Variants in SAC3D1 observed in about 807,000 individuals in gnomAD.
SAC3D1 encodes SAC3 domain-containing protein 1.
Under a neutral mutation model 12.7 loss-of-function variants are expected in SAC3D1, and 10 were observed. The ratio of observed to expected loss-of-function variants is 0.79; its 90% CI spans 0.49 to 1.34. The LOEUF (loss-of-function observed/expected upper bound fraction) is 1.34. SAC3D1 is among the 40% of genes most tolerant of loss of function. The probability of loss-of-function intolerance (pLI) is 0.00; values close to 1 mark genes in which losing one functional copy is unlikely to be tolerated. For missense variants in SAC3D1, 482 were observed against 531.1 expected (o/e 0.91, Z 0.91); for synonymous variants, 241 against 250.8 (o/e 0.96, Z 0.37).
chr11:65,041,102 A>G (rs1025916019), upstream of SAC3D1: 16 of 625,710 alleles, frequency 2.6e-5, 1 homozygote, highest in Non-Finnish European at 3.8e-5. Flanking sequence ...ACTCGACTGG[A>G]CTGGGTGAGA....
rs58109119 is a variant in SAC3D1, at chr11:65,043,615, CAAAAAAAAAAA to C, written c.575-592_575-582del. ...CCTGGGTGACAAAGCAAGTCTGTCT[CAAAAAAAAAAA>C]AAAAAAAAAAAAAAAAAGGCCCTGC... On this transcript the variant is annotated intron_variant, in intron 1 of 1. Coordinates refer to ENST00000652489, the MANE Select transcript of SAC3D1 (RefSeq NM_013299.4). Among the ~76,000 whole-genome samples the C allele has an allele frequency of 1.6e-4, 9 of 56,200 alleles. 1 individual carries two copies. Among genetic ancestry groups the C allele is most frequent in the Non-Finnish European group, 2.8e-4 (9 of 31,720 alleles). The allele number at this position is 56,200 out of a possible 152,430, so 36.9% of individuals were successfully genotyped here. A position where few individuals can be genotyped will look rare whatever the true frequency, so the allele number is the denominator to read the frequency against.
At chr11:65,043,111 C>G (rs1438953473) in intron 1 of SAC3D1, 1 of 444,356 alleles carries the variant, frequency 2.3e-6, no homozygotes, top group Non-Finnish European at 4.5e-6. Context: ...GTGTGGCCAT[C>G]ATGCCCAGTG....
In SAC3D1 at chr11:65,041,792, G is replaced by C. The variant is rs1380821324; in HGVS notation, c.500G>C (p.Arg167Pro). 6.9e-7 allele frequency: 1 copy of C among 1,452,196 alleles called. No individual in the cohort carries two copies. Among genetic ancestry groups the C allele is most frequent in the Admixed American group, 2.6e-5 (1 of 38,262 alleles). The allele number at this position is 1,452,196 out of a possible 1,614,324, so 90.0% of individuals were successfully genotyped here. ...CAGGAGGGCTTCGGCTCGCTGCGGC[G>C]CTGCTACGCGCGGGGCGCCGGGCCG... is the stretch of plus-strand genomic sequence containing the variant. Reference protein sequence around the residue: ...QVQEGFGSLRRCYARGAGPHP... With the variant: ...QVQEGFGSLRPCYARGAGPHP... Residue 167 changes from arginine (R) to proline (P), a missense_variant, in exon 1 of 2, where the codon CGC becomes CCC. By Grantham distance (103) the Arg-to-Pro change is moderately radical. Around this residue, in one of 3 missense-constraint regions of SAC3D1, gnomAD observed 60 missense variants for 106.9 expected, o/e 0.56. Coordinates refer to ENST00000652489, the MANE Select transcript of SAC3D1 (RefSeq NM_013299.4).
Position 65,041,410 on chromosome 11 carries a change from C to T in SAC3D1, c.118C>T (p.Gln40Ter), listed in dbSNP as rs1311444230. Reference protein sequence around the residue: ...HRLEVVPGCRQDPPRADPQRA... With the variant: ...HRLEVVPGCR ...CTTGGAGGTGGTGCCGGGTTGCCGC[C>T]AGGACCCGCCCCGCGCGGATCCGCA... The change falls in exon 1 of 2, where the codon CAG becomes TAG. Residue 40 changes from glutamine (Q) to a stop codon, truncating the protein, a stop_gained. Coordinates refer to ENST00000652489, the MANE Select transcript of SAC3D1 (RefSeq NM_013299.4). LOFTEE classifies it high-confidence loss of function. The T allele has an allele frequency of 3.3e-6, 5 of 1,506,238 alleles. No individual in the cohort carries two copies. The highest frequency in any genetic ancestry group is 4.4e-6 in the Non-Finnish European group (5 of 1,134,514). 93.3% of individuals were successfully genotyped at this position (1,506,238 alleles called of 1,614,324 possible).
chr11:65,044,676 C>A lies in SAC3D1; in HGVS notation c.1026C>A (p.Val342=). The A allele has an allele frequency of 6.2e-7, 1 of 1,613,624 alleles. No homozygotes were observed. Among genetic ancestry groups the A allele is most frequent in the Non-Finnish European group, 8.5e-7 (1 of 1,179,992 alleles). The change falls in exon 2 of 2, where the codon GTC becomes GTA. Residue 342 remains valine (V), a synonymous_variant. Coordinates refer to ENST00000652489, the MANE Select transcript of SAC3D1 (RefSeq NM_013299.4). This position sits in a 1 kb window ranked among gnomAD's most constrained non-coding sequence, Gnocchi z 4.0. ...GAGGACGTACCCTGGAGGAGGTGGT[C>A]ATGGCAGAGGAGGAAGATGAGGGCA... ...KLRGRTLEEV[V]MAEEEDEGTD...
chr11:65,041,272 C>G lies in SAC3D1; in HGVS notation c.-21C>G. On this transcript the variant is annotated 5_prime_UTR_variant, in exon 1 of 2. Coordinates refer to ENST00000652489, the MANE Select transcript of SAC3D1 (RefSeq NM_013299.4). ...CCGTCCCCGGGATGCTGAGCGCCCA[C>G]CGTCTCCCCGCAGCCCCCTCATGCC... is the stretch of plus-strand genomic sequence containing the variant. 6.7e-6 allele frequency: 10 copies of G among 1,491,750 alleles called. No individual in the cohort carries two copies. The highest frequency in any genetic ancestry group is 8.9e-6 in the Non-Finnish European group (10 of 1,128,540). 92.4% of individuals were successfully genotyped at this position (1,491,750 alleles called of 1,614,324 possible).
At chr11:65,042,046 A>C in intron 1 of SAC3D1, 180 bp downstream of exon 1, 1 of 798,908 alleles carries the variant, frequency 1.3e-6, no homozygotes, top group Non-Finnish European at 1.7e-6. Flanking sequence ...TAGTTGTCTC[A>C]GGAATAAAAG....
chr11:65,042,109 CTTT>C (rs5792346), intron 1 of SAC3D1, among the ~76,000 whole-genome samples: 1 of 149,256 alleles, frequency 6.7e-6, no homozygotes, highest in South Asian at 2.1e-4. Context: ...GATTTTCAAA[CTTT>C]TTTTTTTTTG....
At chr11:65,043,148 C>A in intron 1 of SAC3D1, 1 of 393,692 alleles carries the variant, frequency 2.5e-6, no homozygotes, top group South Asian at 1.8e-5. Flanking sequence ...CCACACTGTT[C>A]CTCTGAAGAA....
At chr11:65,043,545 G>A (rs1946649173) in intron 1 of SAC3D1, among the ~76,000 whole-genome samples, 1 of 146,550 alleles carries the variant, frequency 6.8e-6, no homozygotes, top group South Asian at 2.2e-4. Context: ...CCTGAACCTG[G>A]GAGGTAGTGG....
Position 65,041,840 on chromosome 11 carries a change from A to C in SAC3D1, c.548A>C (p.Gln183Pro). The change falls in exon 1 of 2, where the codon CAG (glutamine) becomes CCG (proline). Residue 183 changes from glutamine to proline, a missense_variant. By Grantham distance (76) the Gln-to-Pro change is moderately conservative. This residue lies in a region of SAC3D1 where 225 missense variants were observed against 241.1 expected (regional missense o/e 0.93). Coordinates refer to ENST00000652489, the MANE Select transcript of SAC3D1 (RefSeq NM_013299.4). ...CCGCACCCCCGCCAACCCGCCTTCC[A>C]GGGCCTCTTTCTGCTCTATAACCTG... is the stretch of plus-strand genomic sequence containing the variant. ...AGPHPRQPAFQGLFLLYNLGS... is the reference protein window; with the variant it reads ...AGPHPRQPAFPGLFLLYNLGS... 1 of 1,468,886 alleles carries C rather than the reference A, an allele frequency of 6.8e-7. No individual in the cohort carries two copies. The highest frequency in any genetic ancestry group is 8.9e-7 in the Non-Finnish European group (1 of 1,117,428). The allele number at this position is 1,468,886 out of a possible 1,614,324, so 91.0% of individuals were successfully genotyped here.
At position 65,041,843 on chromosome 11, in the gene SAC3D1, G is replaced by A; in HGVS notation, c.551G>A (p.Gly184Asp). 5.4e-6 allele frequency: 8 copies of A among 1,468,822 alleles called. No homozygotes were observed. The highest frequency in any genetic ancestry group is 7.2e-6 in the Non-Finnish European group (8 of 1,117,506). 91.0% of individuals were successfully genotyped at this position (1,468,822 alleles called of 1,614,324 possible). ...CACCCCCGCCAACCCGCCTTCCAGGGCCTCTTTCTGCTCTATAACCTGGGT... is the reference window on the plus strand; with the variant it reads ...CACCCCCGCCAACCCGCCTTCCAGGACCTCTTTCTGCTCTATAACCTGGGT... ...GPHPRQPAFQ[G>D]LFLLYNLGSV... The change falls in exon 1 of 2, where the codon GGC becomes GAC. Residue 184 changes from glycine (G) to aspartate (D), a missense_variant. Gly to Asp is a moderately conservative substitution (Grantham distance 94, BLOSUM62 -1). Transcript: ENST00000652489.
intron 1 of SAC3D1, among the ~76,000 whole-genome samples, chr11:65,042,856 G>C (rs1946633818): frequency 6.6e-6 from 1 of 151,828 alleles, no homozygotes; most frequent in Admixed American, 6.6e-5. Context: ...TGTGTTTTTT[G>C]AGACAGGGTC....
Position 65,041,443 on chromosome 11 carries a change from G to T in SAC3D1, c.151G>T (p.Val51Leu). Residue 51 changes from valine (V) to leucine (L), a missense_variant, in exon 1 of 2, where the codon GTG becomes TTG. Val to Leu is a conservative substitution (Grantham distance 32). Around this residue, in one of 3 missense-constraint regions of SAC3D1, gnomAD observed 197 missense variants for 183.2 expected, o/e 1.08. Transcript: ENST00000652489. ...DPPRADPQRA[V>L]KEYSRPAAGK... ...GCCCCGCGCGGATCCGCAGCGCGCG[G>T]TGAAGGAGTACAGCCGACCCGCCGC... 4.7e-6 allele frequency: 7 copies of T among 1,502,194 alleles called. No individual in the cohort carries two copies. Among genetic ancestry groups the T allele is most frequent in the Non-Finnish European group, 6.2e-6 (7 of 1,132,490 alleles). 93.1% of individuals were successfully genotyped at this position (1,502,194 alleles called of 1,614,324 possible). A position where few individuals can be genotyped will look rare whatever the true frequency, so the allele number is the denominator to read the frequency against.
intron 1 of SAC3D1, chr11:65,043,044 G>C: frequency 2.2e-6 from 1 of 447,422 alleles, no homozygotes; most frequent in Non-Finnish European, 4.5e-6. Flanking sequence ...CTCGCATGTT[G>C]CCACTCGAAT....
At position 65,041,768 on chromosome 11, in the gene SAC3D1, A is replaced by T; in HGVS notation, c.476A>T (p.Gln159Leu). 7.1e-7 allele frequency: 1 copy of T among 1,401,202 alleles called. No individual in the cohort carries two copies. The highest frequency in any genetic ancestry group is 9.2e-7 in the Non-Finnish European group (1 of 1,083,814). 86.8% of individuals were successfully genotyped at this position (1,401,202 alleles called of 1,614,324 possible). The change falls in exon 1 of 2, where the codon CAG (glutamine) becomes CTG (leucine). Residue 159 changes from glutamine to leucine, a missense_variant. Gln to Leu is a moderately radical substitution (Grantham distance 113, BLOSUM62 -2). Around this residue, in one of 3 missense-constraint regions of SAC3D1, gnomAD observed 60 missense variants for 106.9 expected, o/e 0.56. Transcript: ENST00000652489. ...CCGGTGCTGCTGCAGGCCCAGGTGCAGGAGGGCTTCGGCTCGCTGCGGCGC... is the reference window on the plus strand; with the variant it reads ...CCGGTGCTGCTGCAGGCCCAGGTGCTGGAGGGCTTCGGCTCGCTGCGGCGC... ...ADPVLLQAQVQEGFGSLRRCY... is the reference protein window; with the variant it reads ...ADPVLLQAQVLEGFGSLRRCY...
Position 65,041,539 on chromosome 11 carries a change from G to A in SAC3D1, c.247G>A (p.Ala83Thr). 1 of 1,472,952 alleles carries A rather than the reference G, an allele frequency of 6.8e-7. No homozygotes were observed. Among genetic ancestry groups the A allele is most frequent in the Non-Finnish European group, 8.9e-7 (1 of 1,117,858 alleles). 91.2% of individuals were successfully genotyped at this position (1,472,952 alleles called of 1,614,324 possible). A position where few individuals can be genotyped will look rare whatever the true frequency, so the allele number is the denominator to read the frequency against. Residue 83 changes from alanine (A) to threonine (T), a missense_variant, in exon 1 of 2, where the codon GCC (alanine) becomes ACC (threonine). Around this residue, in one of 3 missense-constraint regions of SAC3D1, gnomAD observed 197 missense variants for 183.2 expected, o/e 1.08. Transcript: ENST00000652489. ...SVLLATVRYL[A>T]GEVAESADIA... ...GCTGCTGGCCACCGTGCGCTACCTG[G>A]CCGGTGAGGTGGCGGAGAGCGCCGA...
chr11:65,041,168 G>A, upstream of SAC3D1: 1 of 945,880 alleles, frequency 1.1e-6, no homozygotes, highest in Non-Finnish European at 1.5e-6. Flanking sequence ...CGGGAAGGCG[G>A]GCCCAGACAG....
chr11:65,044,084 C>T lies in SAC3D1; in HGVS notation c.575-141C>T. On this transcript the variant is annotated intron_variant, in intron 1 of 1. Transcript: ENST00000652489. The surrounding 1 kb of genome is among the most constrained non-coding windows in gnomAD (Gnocchi z 4.0). ...GTTGGGGAAGGAGCCAAAGGCTGGC[C>T]CTTAGAGGGGAGAGGGAAGTTGGGC... 1 of 953,248 alleles carries T rather than the reference C, an allele frequency of 1.0e-6. No homozygotes were observed. Among genetic ancestry groups the T allele is most frequent in the Non-Finnish European group, 1.6e-6 (1 of 635,496 alleles). The allele number at this position is 953,248 out of a possible 1,614,324, so 59.0% of individuals were successfully genotyped here.
Sources: allele counts gnomAD v4.1 joint callset (sites outside exome capture counted in the v4.1 genomes callset), GRCh38; gene constraint gnomAD v4.1.1; regional missense constraint gnomAD v4.1.1; non-coding constraint Gnocchi (gnomAD v3.1); transcripts MANE v1.5; gene names NCBI Gene and HGNC (gene_info 2026-07-23, HGNC 2026-07-21).